The following FAM50A variants were observed in gnomAD, a reference collection of about 807,000 sequenced individuals.
FAM50A encodes the protein family with sequence similarity 50 member A.
Under a neutral mutation model 35.5 loss-of-function variants are expected in FAM50A, and 6 were observed. The ratio of observed to expected loss-of-function variants is 0.17; its 90% CI spans 0.09 to 0.33. The LOEUF (loss-of-function observed/expected upper bound fraction) is 0.33. FAM50A is among the 10% of genes least tolerant of loss of function. FAM50A has a pLI of 1.00. For synonymous variants in FAM50A, 120 were observed against 110.9 expected (o/e 1.08, Z -0.52); for missense variants, 145 against 295.5 (o/e 0.49, Z 3.73).
At chrX:154,445,580 C>T in intron 1 of FAM50A, 53 bp from the exon 2 acceptor site, 1 of 998,734 alleles carries the variant, frequency 1.0e-6, no homozygotes, top group Non-Finnish European at 1.4e-6. Context: ...GATGGCCAGC[C>T]TGCCATTTCC....
chrX:154,444,388 C>CT, intron 1 of FAM50A, 42 bp downstream of exon 1: 4 of 762,686 alleles, frequency 5.2e-6, no homozygotes, highest in Non-Finnish European at 6.6e-6. Context: ...CTGCCCAGGT[C>CT]CCCGGCGGCC....
At chrX:154,448,363 C>T (rs1455453504) in intron 4 of FAM50A, 121 bp from the exon 5 acceptor site, 29 of 576,898 alleles carry the variant, frequency 5.0e-5, no homozygotes, top group East Asian at 4.6e-4. Flanking sequence ...CCTCTGTGCC[C>T]GCCCTAGGCT....
intron 4 of FAM50A, 24 bp from the exon 5 acceptor site, chrX:154,448,460 A>G (rs782680300): frequency 8.5e-7 from 1 of 1,177,190 alleles, no homozygotes; most frequent in South Asian, 1.8e-5. Context: ...TAATGCTATG[A>G]TATTCGGCTT....
chrX:154,444,691 G>A, intron 1 of FAM50A: 1 of 125,129 alleles, frequency 8.0e-6, no homozygotes, highest in South Asian at 2.9e-4. Flanking sequence ...CTGGCCCCTC[G>A]GCCCTCAGAG....
Position 154,444,213 on chromosome X carries a change from CCG to C in FAM50A, c.-21_-20del, listed in dbSNP as rs2068771891. 1.3e-6 allele frequency: 1 copy of C among 784,260 alleles called. No individual in the cohort carries two copies. Among genetic ancestry groups the C allele is most frequent in the Non-Finnish European group, 1.6e-6 (1 of 637,858 alleles). 64.6% of individuals were successfully genotyped at this position (784,260 alleles called of 1,213,427 possible). ...TCGCCGCCGCCGCCGCCCGCCGCCGCCGCCGCCGCCGCCGCCGCTGCCATGGC... is the reference window on the plus strand; with the variant it reads ...TCGCCGCCGCCGCCGCCCGCCGCCGCCCGCCGCCGCCGCCGCTGCCATGGC... On this transcript the variant is annotated 5_prime_UTR_variant, in exon 1 of 13. Coordinates refer to ENST00000393600, the MANE Select transcript of FAM50A (RefSeq NM_004699.4).
rs2070645 is a variant in FAM50A at position 154,450,384 on chromosome X, G to A, written c.1012-40G>A. ...GGCAGCCAGCCCCTGCTCACCCCTCGCCTTCCTTGTCTCCTCTGCCCACCT... is the reference window on the plus strand; with the variant it reads ...GGCAGCCAGCCCCTGCTCACCCCTCACCTTCCTTGTCTCCTCTGCCCACCT... On this transcript the variant is annotated intron_variant, in intron 12 of 12. Coordinates refer to ENST00000393600, the MANE Select transcript of FAM50A (RefSeq NM_004699.4). 537 of 1,208,568 alleles carry A rather than the reference G, an allele frequency of 4.4e-4. 7 individuals are homozygous for A. In the East Asian group the frequency reaches 0.016, roughly 35 times the overall value.
Position 154,448,967 on chromosome X carries a change from C to A in FAM50A, c.648+13C>A. 1 of 1,196,797 alleles carries A rather than the reference C, an allele frequency of 8.4e-7. No individual in the cohort carries two copies. Among genetic ancestry groups the A allele is most frequent in the South Asian group, 1.8e-5 (1 of 56,186 alleles). ...GCGGACAGTCAAGGTAGGCAGCGTG[C>A]AGCCTGCTTCCTGCTCACCATGGGC... On this transcript the variant is annotated intron_variant, in intron 7 of 12. Transcript: ENST00000393600.
chrX:154,445,686 G>T lies in FAM50A; in HGVS notation c.165G>T (p.Ala55=), dbSNP rs782419077. The change falls in exon 2 of 13, where the codon GCG becomes GCT. Residue 55 remains alanine (A), a synonymous_variant. Coordinates refer to ENST00000393600, the MANE Select transcript of FAM50A (RefSeq NM_004699.4). ...IDKKFSAHYD[A]VEAELKSSTV... Reference sequence around the variant, plus strand: ...AGAAGTTCTCTGCGCACTACGACGCGGTGGAGGCAGAGCTCAAGTCCAGCA... The same window carrying T: ...AGAAGTTCTCTGCGCACTACGACGCTGTGGAGGCAGAGCTCAAGTCCAGCA... 8.3e-7 allele frequency: 1 copy of T among 1,209,871 alleles called. No individual in the cohort carries two copies. The highest frequency in any genetic ancestry group is 1.8e-5 in the South Asian group (1 of 56,932).
chrX:154,448,387 G>T lies in FAM50A; in HGVS notation c.443-97G>T. 4 of 726,993 alleles carry T rather than the reference G, an allele frequency of 5.5e-6. No homozygotes were observed. The South Asian group carries it at 9.1e-5, about 16-fold the overall frequency. The allele number at this position is 726,993 out of a possible 1,213,427, so 59.9% of individuals were successfully genotyped here. ...CCGCCCTAGGCTTGTCTTCTAGATC[G>T]ACTGTTCTCAAGGTATGCTTGGGGG... On this transcript the variant is annotated intron_variant, in intron 4 of 12. Coordinates refer to ENST00000393600, the MANE Select transcript of FAM50A (RefSeq NM_004699.4).
Position 154,450,183 on chromosome X carries a change from G to A in FAM50A, c.901-26G>A, listed in dbSNP as rs183827901. ...CCAAGGGAAGGGGAGGTCAGCAGGC[G>A]GCCCTGTGCCCTCTTCCTCCCTTAG... On this transcript the variant is annotated intron_variant, in intron 11 of 12. Transcript: ENST00000393600. The A allele has an allele frequency of 7.5e-4, 900 of 1,198,351 alleles. 5 individuals are homozygous for A. In the African/African-American group the frequency reaches 0.013, roughly 18 times the overall value.
chrX:154,449,359 C>T, intron 8 of FAM50A, 62 bp downstream of exon 8: 2 of 967,664 alleles, frequency 2.1e-6, no homozygotes, highest in Non-Finnish European at 3.0e-6. Flanking sequence ...GCCTGGGTGC[C>T]AGACACCCAG....
chrX:154,449,005 A>G, intron 7 of FAM50A, 51 bp downstream of exon 7: 3 of 1,107,707 alleles, frequency 2.7e-6, no homozygotes, highest in Non-Finnish European at 3.7e-6. Context: ...AGCCTCCCTC[A>G]GGTTCCGTGG....
At chrX:154,449,000 C>A in intron 7 of FAM50A, 46 bp downstream of exon 7, 1 of 1,116,781 alleles carries the variant, frequency 9.0e-7, no homozygotes. Context: ...GGCCCAGCCT[C>A]CCTCAGGTTC....
At chrX:154,446,751 T>C (rs1045549450) in intron 4 of FAM50A, among the ~76,000 whole-genome samples, 191 bp downstream of exon 4, 1 of 112,021 alleles carries the variant, frequency 8.9e-6, no homozygotes, top group Non-Finnish European at 1.9e-5. Flanking sequence ...TTTTCTGTGA[T>C]GATGGAAATG....
Position 154,446,418 on chromosome X carries a change from G to C in FAM50A, c.300G>C (p.Lys100Asn). 1 of 1,210,996 alleles carries C rather than the reference G, an allele frequency of 8.3e-7. No homozygotes were observed. The highest frequency in any genetic ancestry group is 1.1e-6 in the Non-Finnish European group (1 of 894,618). Residue 100 changes from lysine to asparagine, a missense_variant, in exon 4 of 13, where the codon AAG becomes AAC. Transcript: ENST00000393600. ...GGGGCCACCTGCACCTCACTAGGAA[G>C]CTGGAGAAGCTTCGAGAGAAGGAGC... is the stretch of plus-strand genomic sequence containing the variant. ...KKEQSKELQM[K>N]LEKLREKERK... is the part of the protein sequence containing the mutation.
rs782200296 is a variant in FAM50A at position 154,444,214 on chromosome X, CGCCGCCGCCGCCGCCGCT to C, written c.-18_-1del. ...CGCCGCCGCCGCCGCCCGCCGCCGC[CGCCGCCGCCGCCGCCGCT>C]GCCATGGCTCAATACAAGGGCGCCG... On this transcript the variant is annotated 5_prime_UTR_variant, in exon 1 of 13. Transcript: ENST00000393600. The C allele has an allele frequency of 1.7e-5, 13 of 785,656 alleles. No individual in the cohort carries two copies. The South Asian group carries it at 6.7e-4, about 40-fold the overall frequency. The allele number at this position is 785,656 out of a possible 1,213,427, so 64.7% of individuals were successfully genotyped here. A position where few individuals can be genotyped will look rare whatever the true frequency, so the allele number is the denominator to read the frequency against.
chrX:154,448,457 A>G (rs201038497), intron 4 of FAM50A, 27 bp from the exon 5 acceptor site: 10 of 1,167,493 alleles, frequency 8.6e-6, no homozygotes, highest in Middle Eastern at 4.7e-4. Context: ...TAATAATGCT[A>G]TGATATTCGG....
At chrX:154,447,021 G>A (rs949737412) in intron 4 of FAM50A, among the ~76,000 whole-genome samples, 3 of 111,813 alleles carry the variant, frequency 2.7e-5, no homozygotes, top group Admixed American at 1.9e-4. Flanking sequence ...GCCTGGCCAG[G>A]GCACATAGGG....
intron 1 of FAM50A, chrX:154,445,306 C>T (rs1057442676): frequency 6.8e-5 from 19 of 279,146 alleles, no homozygotes; most frequent in Non-Finnish European, 1.1e-4. Flanking sequence ...TCTTGTTTGC[C>T]CTCTCCTCAT....
Sources: gnomAD v4.1 joint callset for allele counts (sites outside exome capture counted in the v4.1 genomes callset) on GRCh38, gnomAD v4.1.1 for gene constraint, MANE v1.5 for transcripts, NCBI Gene and HGNC (gene_info 2026-07-23, HGNC 2026-07-21) for gene names.